CDH6: variants seen among roughly 807,000 people sequenced by gnomAD.
CDH6 encodes the protein cadherin 6, also known as cadherin-6.
In CDH6, 31 loss-of-function variants were observed where a neutral mutation model predicts 78.0. That is an observed-to-expected ratio of 0.40 (90% confidence interval 0.30 to 0.54). The LOEUF (loss-of-function observed/expected upper bound fraction) is 0.54. CDH6 is among the 20% of genes least tolerant of loss of function. The pLI is 0.56. For synonymous variants in CDH6, 376 were observed against 368.8 expected, an observed-to-expected ratio of 1.02 and a Z score of -0.23; for missense variants, 724 against 975.9, an observed-to-expected ratio of 0.74 and a Z score of 3.44.
chr5:31,223,300 T>TGCTTTGCTCAC (rs1481290876), intron 1 of CDH6, among the ~76,000 whole-genome samples: 1 of 152,198 alleles, frequency 6.6e-6, no homozygotes, highest in Admixed American at 6.5e-5. Context: ...TCTCTTTCTT[T>TGCTTTGCTCAC]AACTGCTTTG....
chr5:31,285,953 G>T (rs1262554372), intron 2 of CDH6, among the ~76,000 whole-genome samples: 2 of 152,142 alleles, frequency 1.3e-5, no homozygotes, highest in African/African-American at 4.8e-5. Flanking sequence ...AGTAGTAATT[G>T]ATAAATTATC....
At chr5:31,252,014 GA>G (rs1741922613) in intron 1 of CDH6, among the ~76,000 whole-genome samples, 1 of 152,038 alleles carries the variant, frequency 6.6e-6, no homozygotes, top group Non-Finnish European at 1.5e-5. Context: ...TATCCATCAA[GA>G]AAAAAATTCT....
intron 11 of CDH6, chr5:31,318,194 G>A: frequency 1.7e-6 from 1 of 592,244 alleles, no homozygotes; most frequent in Admixed American, 2.9e-5. Flanking sequence ...TGAATCTCGG[G>A]GGATTTCAGG....
chr5:31,264,856 C>T (rs145058356), intron 1 of CDH6, among the ~76,000 whole-genome samples: 80 of 152,242 alleles, frequency 5.3e-4, no homozygotes, highest in African/African-American at 1.8e-3. Context: ...GAATGAAATA[C>T]TTGACATTTT....
At chr5:31,316,786 T>G (rs1028892234) in intron 9 of CDH6, among the ~76,000 whole-genome samples, 1 of 152,222 alleles carries the variant, frequency 6.6e-6, no homozygotes, top group Admixed American at 6.5e-5. Context: ...CTGCCAGTGA[T>G]ATAAAAATTA....
At chr5:31,322,064 C>T (rs956259018) in intron 11 of CDH6, among the ~76,000 whole-genome samples, 1 of 152,056 alleles carries the variant, frequency 6.6e-6, no homozygotes, top group Non-Finnish European at 1.5e-5. Context: ...TTCTCAGTAA[C>T]AAACTTATAG....
Position 31,226,243 on chromosome 5 carries a change from C to T in CDH6, c.-129+32357C>T, listed in dbSNP as rs376229229. On this transcript the variant is annotated intron_variant, in intron 1 of 11. Coordinates refer to ENST00000265071, the MANE Select transcript of CDH6 (RefSeq NM_004932.4). The stretch of plus-strand genomic sequence containing the variant: ...AGGCTGGATTGTAGTGGCAAAATCT[C>T]GGCTCACTGCAACCTCCCCTTCCCA... 5.5e-4 allele frequency among the ~76,000 whole-genome samples: 83 copies of T among 152,254 alleles called. 1 individual carries two copies. In the East Asian group the frequency reaches 0.012, roughly 22 times the overall value.
chr5:31,202,780 T>C (rs1180798135), intron 1 of CDH6, among the ~76,000 whole-genome samples: 1 of 151,216 alleles, frequency 6.6e-6, no homozygotes. Context: ...TATGTATATG[T>C]CACATATATA....
intron 1 of CDH6, among the ~76,000 whole-genome samples, chr5:31,202,693 A>G (rs1054013295): frequency 1.3e-5 from 2 of 151,564 alleles, no homozygotes; most frequent in East Asian, 1.9e-4. Flanking sequence ...ATGTATATAT[A>G]CACATATATA....
At chr5:31,277,118 G>T (rs1369983123) in intron 2 of CDH6, among the ~76,000 whole-genome samples, 1 of 152,184 alleles carries the variant, frequency 6.6e-6, no homozygotes, top group Non-Finnish European at 1.5e-5. Flanking sequence ...TTCGGGGCAT[G>T]AGTTTATATA....
chr5:31,289,977 T>A (rs1441038547), intron 2 of CDH6, among the ~76,000 whole-genome samples: 5 of 149,690 alleles, frequency 3.3e-5, no homozygotes, highest in African/African-American at 9.9e-5. Flanking sequence ...AAAAAAAAAA[T>A]GGGCACAGTG....
At chr5:31,314,114 T>C (rs985928280) in intron 8 of CDH6, among the ~76,000 whole-genome samples, 4 of 152,146 alleles carry the variant, frequency 2.6e-5, no homozygotes, top group Non-Finnish European at 5.9e-5. Context: ...GTCAATACAA[T>C]GTGCAGGCTG....
chr5:31,308,822 GA>G (rs1738068087), intron 7 of CDH6, among the ~76,000 whole-genome samples: 1 of 151,870 alleles, frequency 6.6e-6, no homozygotes, highest in African/African-American at 2.4e-5. Flanking sequence ...TACAATGGGG[GA>G]AAAGACACAA....
intron 7 of CDH6, among the ~76,000 whole-genome samples, chr5:31,312,428 G>A (rs1321584938): frequency 1.3e-5 from 2 of 152,194 alleles, no homozygotes; most frequent in African/African-American, 2.4e-5. Context: ...GCCAGTCGTG[G>A]TGGTTCATGA....
intron 1 of CDH6, among the ~76,000 whole-genome samples, chr5:31,259,812 C>A (rs1483052302): frequency 6.6e-6 from 1 of 152,188 alleles, no homozygotes; most frequent in African/African-American, 2.4e-5. Flanking sequence ...GCAAGCAGGT[C>A]TAGGAAAACC....
At chr5:31,253,882 G>GA (rs1489167522) in intron 1 of CDH6, among the ~76,000 whole-genome samples, 3 of 151,116 alleles carry the variant, frequency 2.0e-5, no homozygotes, top group African/African-American at 4.9e-5. Context: ...TAACTTTTCA[G>GA]AAAAATCTGC....
intron 1 of CDH6, among the ~76,000 whole-genome samples, chr5:31,222,063 C>G (rs892576162): frequency 8.5e-5 from 13 of 152,218 alleles, no homozygotes; most frequent in African/African-American, 2.9e-4. Flanking sequence ...CTATAAAATA[C>G]CTTTTTCTAT....
At chr5:31,223,998 G>A (rs984123175) in intron 1 of CDH6, among the ~76,000 whole-genome samples, 2 of 152,126 alleles carry the variant, frequency 1.3e-5, no homozygotes, top group Non-Finnish European at 2.9e-5. Flanking sequence ...TGCTTCTGTG[G>A]GCCCAACATT....
intron 5 of CDH6, among the ~76,000 whole-genome samples, chr5:31,299,878 C>T (rs888832107): frequency 6.6e-6 from 1 of 152,156 alleles, no homozygotes; most frequent in African/African-American, 2.4e-5. Flanking sequence ...TGTTTCATTT[C>T]TCCTTATTAA....
Sources: gnomAD v4.1 joint callset for allele counts (sites outside exome capture counted in the v4.1 genomes callset) on GRCh38, gnomAD v4.1.1 for gene constraint, MANE v1.5 for transcripts, NCBI Gene and HGNC (gene_info 2026-07-23, HGNC 2026-07-21) for gene names.